Variants in RALGAPA1 observed in about 807,000 individuals in gnomAD.
RALGAPA1 encodes the protein ral GTPase-activating protein subunit alpha-1.
RALGAPA1 carries 52 observed loss-of-function variants against 269.6 expected under a neutral mutation model. That is an observed-to-expected ratio of 0.19 (90% CI 0.15 to 0.24). The LOEUF (loss-of-function observed/expected upper bound fraction) is 0.24. RALGAPA1 is among the 10% of genes least tolerant of loss of function. RALGAPA1 has a pLI of 1.00. For missense variants in RALGAPA1, 1,917 were observed against 3,013.9 expected, an observed-to-expected ratio of 0.64 and a Z score of 8.52; for synonymous variants, 817 against 1,008.3, an observed-to-expected ratio of 0.81 and a Z score of 3.60.
intron 41 of RALGAPA1, among the ~76,000 whole-genome samples, chr14:35,542,743 C>T (rs1199645808): frequency 6.6e-6 from 1 of 152,138 alleles, no homozygotes; most frequent in Non-Finnish European, 1.5e-5. Context: ...TTTAAAAGTA[C>T]ACATGAGCTC....
intron 39 of RALGAPA1, among the ~76,000 whole-genome samples, chr14:35,561,912 A>G (rs1453898355): frequency 1.3e-5 from 2 of 152,170 alleles, no homozygotes; most frequent in Non-Finnish European, 1.5e-5. Context: ...GAGAGATCCT[A>G]CTACAATGGT....
intron 1 of RALGAPA1, among the ~76,000 whole-genome samples, chr14:35,806,994 A>T (rs1391730666): frequency 1.3e-5 from 2 of 152,140 alleles, no homozygotes; most frequent in African/African-American, 4.8e-5. Flanking sequence ...TATATGTGTG[A>T]CCTCTCTCTT....
chr14:35,543,461 T>C (rs921131291), intron 41 of RALGAPA1, among the ~76,000 whole-genome samples: 2 of 152,030 alleles, frequency 1.3e-5, no homozygotes, highest in Non-Finnish European at 2.9e-5. Flanking sequence ...ACCATTAAAT[T>C]TAGTTTGAAG....
At chr14:35,609,515 C>T (rs1305880523) in intron 35 of RALGAPA1, among the ~76,000 whole-genome samples, 2 of 152,046 alleles carry the variant, frequency 1.3e-5, no homozygotes, top group African/African-American at 2.4e-5. Context: ...TAAAGAAGTG[C>T]TCATTGGGAA....
intron 1 of RALGAPA1, among the ~76,000 whole-genome samples, chr14:35,783,341 CT>C (rs1359970288): frequency 6.6e-6 from 1 of 151,916 alleles, no homozygotes; most frequent in Non-Finnish European, 1.5e-5. Flanking sequence ...AAATGGTTGA[CT>C]TTTTTTTCCT....
chr14:35,711,817 G>A (rs2068369053), intron 16 of RALGAPA1, among the ~76,000 whole-genome samples: 1 of 152,128 alleles, frequency 6.6e-6, no homozygotes, highest in African/African-American at 2.4e-5. Context: ...TTTCCAGCTA[G>A]ACATACTTAA....
At chr14:35,621,508 C>A (rs537545632) in intron 35 of RALGAPA1, among the ~76,000 whole-genome samples, 2 of 152,220 alleles carry the variant, frequency 1.3e-5, no homozygotes, top group African/African-American at 4.8e-5. Context: ...CCAAAATTGA[C>A]AAATGGGATC....
At chr14:35,675,079 G>A (rs1306041838) in intron 22 of RALGAPA1, among the ~76,000 whole-genome samples, 8 of 152,086 alleles carry the variant, frequency 5.3e-5, no homozygotes, top group South Asian at 2.1e-4. Context: ...CAAATTAATG[G>A]AAAACCTCAG....
chr14:35,646,577 T>C (rs932623432), intron 31 of RALGAPA1, among the ~76,000 whole-genome samples: 1 of 152,132 alleles, frequency 6.6e-6, no homozygotes, highest in African/African-American at 2.4e-5. Flanking sequence ...TCAAGAAATA[T>C]AGAAAGATTA....
intron 35 of RALGAPA1, 47 bp downstream of exon 35, chr14:35,625,314 A>C (rs1243061928): frequency 1.6e-5 from 19 of 1,206,038 alleles, no homozygotes; most frequent in Non-Finnish European, 2.2e-5. Context: ...TCTAAAAGAG[A>C]AATACCTGAG....
intron 12 of RALGAPA1, among the ~76,000 whole-genome samples, chr14:35,733,797 A>T (rs546769788): frequency 5.9e-5 from 9 of 152,056 alleles, no homozygotes; most frequent in Non-Finnish European, 1.2e-4. Context: ...CTTTGAAAAG[A>T]TAAATAAAAT....
At chr14:35,554,567 C>CGATCTCCT (rs1187918466) in intron 39 of RALGAPA1, among the ~76,000 whole-genome samples, 2 of 151,474 alleles carry the variant, frequency 1.3e-5, no homozygotes. Flanking sequence ...GGGATGGTCT[C>CGATCTCCT]GATCTCCTGA....
intron 3 of RALGAPA1, among the ~76,000 whole-genome samples, chr14:35,772,107 G>A (rs2074676653): frequency 6.6e-6 from 1 of 152,082 alleles, no homozygotes; most frequent in African/African-American, 2.4e-5. Context: ...CCTGGCTGGA[G>A]TGCAGTGGTG....
At chr14:35,637,229 G>A (rs1041203245) in intron 31 of RALGAPA1, among the ~76,000 whole-genome samples, 2 of 152,068 alleles carry the variant, frequency 1.3e-5, no homozygotes, top group African/African-American at 4.8e-5. Flanking sequence ...AATTAAATAA[G>A]GCACCAATGA....
chr14:35,572,864 T>C (rs2057312169), intron 37 of RALGAPA1, 146 bp from the exon 38 acceptor site: 2 of 474,410 alleles, frequency 4.2e-6, no homozygotes. Flanking sequence ...ACACAAACAC[T>C]CAAAAACATC....
intron 1 of RALGAPA1, among the ~76,000 whole-genome samples, chr14:35,781,390 T>G (rs978964031): frequency 6.6e-6 from 1 of 152,148 alleles, no homozygotes. Context: ...AAAGAAAAGC[T>G]TGGACTCAAA....
chr14:35,712,240 C>CA (rs58184723), intron 16 of RALGAPA1, among the ~76,000 whole-genome samples: 3,695 of 56,784 alleles, frequency 0.065, 123 homozygotes, highest in African/African-American at 0.17. Flanking sequence ...GAGCATGTCT[C>CA]AAAAAAAAAA....
chr14:35,652,668 G>A (rs556966626), intron 30 of RALGAPA1, among the ~76,000 whole-genome samples: 77 of 152,108 alleles, frequency 5.1e-4, no homozygotes, highest in African/African-American at 1.8e-3. Context: ...GCCTCCCAAA[G>A]TGCTGGGATT....
intron 35 of RALGAPA1, among the ~76,000 whole-genome samples, chr14:35,621,919 G>A (rs1250575365): frequency 1.3e-5 from 2 of 152,166 alleles, no homozygotes; most frequent in Non-Finnish European, 2.9e-5. Flanking sequence ...GTTGGTGGGA[G>A]TGTAAATTAA....
Sources: gnomAD v4.1 joint callset for allele counts (sites outside exome capture counted in the v4.1 genomes callset) on GRCh38, gnomAD v4.1.1 for gene constraint, MANE v1.5 for transcripts, NCBI Gene and HGNC (gene_info 2026-07-23, HGNC 2026-07-21) for gene names.